WDPCP: variants seen among roughly 807,000 people sequenced by gnomAD.
WDPCP encodes WD repeat-containing and planar cell polarity effector protein fritz homolog.
Under a neutral mutation model 93.1 loss-of-function variants are expected in WDPCP, and 71 were observed. The ratio of observed to expected loss-of-function variants is 0.76; its 90% CI spans 0.63 to 0.93. The LOEUF is 0.93. Ranked by LOEUF, WDPCP falls within the 40% of genes least tolerant of loss-of-function variation. The pLI is 0.00. For synonymous variants in WDPCP, 315 were observed against 315.0 expected, an observed-to-expected ratio of 1.00 and a Z score of 0.00; for missense variants, 844 against 887.4, an observed-to-expected ratio of 0.95 and a Z score of 0.62.
intron 13 of WDPCP, among the ~76,000 whole-genome samples, chr2:63,289,348 T>C (rs1684237374): frequency 6.6e-6 from 1 of 152,060 alleles, no homozygotes; most frequent in African/African-American, 2.4e-5. Context: ...TTATGCTACA[T>C]GTTATAATCA....
At chr2:63,216,569 G>T (rs1677361632) in intron 14 of WDPCP, among the ~76,000 whole-genome samples, 1 of 152,094 alleles carries the variant, frequency 6.6e-6, no homozygotes, top group African/African-American at 2.4e-5. Context: ...TGGTATTGGG[G>T]GAGGGGAGAG....
At chr2:63,717,397 G>T in intron 2 of WDPCP, 1 of 420,078 alleles carries the variant, frequency 2.4e-6, no homozygotes. Context: ...GATAGTGTCT[G>T]TTTTTTTAAG....
intron 12 of WDPCP, among the ~76,000 whole-genome samples, chr2:63,331,976 T>A (rs1688005478): frequency 6.6e-6 from 1 of 152,032 alleles, no homozygotes; most frequent in Admixed American, 6.6e-5. Flanking sequence ...CAACTGGTGG[T>A]CATTTGAGAT....
At chr2:63,385,064 G>T (rs1692620504) in intron 10 of WDPCP, among the ~76,000 whole-genome samples, 1 of 151,872 alleles carries the variant, frequency 6.6e-6, no homozygotes, top group Non-Finnish European at 1.5e-5. Flanking sequence ...AGAAAAAAGA[G>T]AAAAAACCTA....
intron 12 of WDPCP, among the ~76,000 whole-genome samples, chr2:63,333,980 A>G (rs1372038434): frequency 6.6e-6 from 1 of 152,214 alleles, no homozygotes; most frequent in Non-Finnish European, 1.5e-5. Context: ...TTCTTTTTCA[A>G]GATTGTTGGG....
intron 3 of WDPCP, among the ~76,000 whole-genome samples, chr2:63,627,510 G>C (rs1034191671): frequency 6.6e-6 from 1 of 152,092 alleles, no homozygotes; most frequent in African/African-American, 2.4e-5. Context: ...CCACTCCAAC[G>C]TTGCCTTTTC....
intron 3 of WDPCP, among the ~76,000 whole-genome samples, chr2:63,636,489 T>A (rs987304186): frequency 6.6e-6 from 1 of 152,082 alleles, no homozygotes; most frequent in African/African-American, 2.4e-5. Flanking sequence ...GAGGGCAATG[T>A]GAAATGGTGC....
chr2:63,203,055 T>C (rs1676042694), intron 14 of WDPCP, among the ~76,000 whole-genome samples: 1 of 152,048 alleles, frequency 6.6e-6, no homozygotes. Flanking sequence ...GGGGTGCATA[T>C]GTGTGTGTGT....
chr2:63,301,728 G>A (rs1685346964), intron 13 of WDPCP, among the ~76,000 whole-genome samples: 1 of 151,996 alleles, frequency 6.6e-6, no homozygotes, highest in African/African-American at 2.4e-5. Flanking sequence ...ACAGCAAGGG[G>A]ACACCCCCAC....
chr2:63,336,851 G>C (rs1259352372), intron 12 of WDPCP, among the ~76,000 whole-genome samples: 4 of 148,270 alleles, frequency 2.7e-5, no homozygotes, highest in Admixed American at 1.3e-4. Context: ...ACCCTTCCTG[G>C]CCTCTGGTAA....
intron 10 of WDPCP, among the ~76,000 whole-genome samples, chr2:63,384,714 G>A (rs557831224): frequency 2.0e-5 from 3 of 151,318 alleles, no homozygotes; most frequent in African/African-American, 7.3e-5. Flanking sequence ...CAGCAAGACT[G>A]TGTCTCTAAA....
At chr2:63,599,346 T>G in intron 3 of WDPCP, 1 of 1,555,908 alleles carries the variant, frequency 6.4e-7, no homozygotes, top group African/African-American at 1.4e-5. Context: ...AACATTTTTC[T>G]CTCACTTTTA....
intron 15 of WDPCP, among the ~76,000 whole-genome samples, chr2:63,173,111 A>T (rs1174625371): frequency 6.6e-6 from 1 of 151,998 alleles, no homozygotes; most frequent in Non-Finnish European, 1.5e-5. Context: ...AAAATAAAAA[A>T]TAAAAAATTA....
intron 12 of WDPCP, among the ~76,000 whole-genome samples, chr2:63,362,258 CTT>C (rs67493046): frequency 2.1e-5 from 2 of 93,266 alleles, no homozygotes; most frequent in Non-Finnish European, 1.9e-5. Flanking sequence ...GGTAGAATCC[CTT>C]TTTTTTTTTT....
At chr2:63,837,891 G>A in the WDPCP span, among the ~76,000 whole-genome samples, 1 of 152,182 alleles carries the variant, frequency 6.6e-6, no homozygotes, top group South Asian at 2.1e-4. Flanking sequence ...ATTACCTGAG[G>A]TCAGGAGTTT....
chr2:63,604,716 G>T, intron 3 of WDPCP: 2 of 1,613,690 alleles, frequency 1.2e-6, no homozygotes, highest in South Asian at 2.2e-5. Flanking sequence ...AACTTGGTGT[G>T]ACTGCTAATG....
At chr2:63,722,162 A>C (rs1351472578) in intron 2 of WDPCP, among the ~76,000 whole-genome samples, 1 of 150,396 alleles carries the variant, frequency 6.6e-6, no homozygotes, top group African/African-American at 2.5e-5. Flanking sequence ...CCGTCTGGGA[A>C]GTGAGGAGCG....
intron 3 of WDPCP, among the ~76,000 whole-genome samples, chr2:63,619,218 G>A (rs112534309): frequency 3.3e-5 from 5 of 152,278 alleles, no homozygotes; most frequent in African/African-American, 1.2e-4. Flanking sequence ...GGGCAGAGAG[G>A]AGTTTTAAAC....
At chr2:63,534,279 G>A (rs909137381) in intron 1 of WDPCP, among the ~76,000 whole-genome samples, 1 of 152,142 alleles carries the variant, frequency 6.6e-6, no homozygotes, top group African/African-American at 2.4e-5. Context: ...TCTACCAGAG[G>A]TACAAAGAGG....
Sources: allele counts gnomAD v4.1 joint callset (sites outside exome capture counted in the v4.1 genomes callset), GRCh38; gene constraint gnomAD v4.1.1; transcripts MANE v1.5; gene names NCBI Gene and HGNC (gene_info 2026-07-23, HGNC 2026-07-21).